Variants in RARS1 observed in about 807,000 individuals in gnomAD.
RARS1 encodes arginyl-tRNA synthetase 1.
A neutral mutation model predicts 78.7 loss-of-function variants in RARS1; 75 were observed. That is an observed-to-expected ratio of 0.95 (90% CI 0.79 to 1.15). The LOEUF is 1.15. RARS1 is among the 50% of genes most tolerant of loss of function. The probability of loss-of-function intolerance (pLI) is 0.00; values close to 1 mark genes in which losing one functional copy is unlikely to be tolerated. For synonymous variants in RARS1, 273 were observed against 268.2 expected (o/e 1.02, Z -0.18); for missense variants, 787 against 787.5 (o/e 1.00, Z 0.01).
chr5:168,496,845 TTAAGA>T (rs1395369339), intron 6 of RARS1, among the ~76,000 whole-genome samples: 2 of 152,208 alleles, frequency 1.3e-5, no homozygotes, highest in African/African-American at 4.8e-5. Context: ...CTAAATTATA[TTAAGA>T]TAATGGTTAA....
intron 9 of RARS1, among the ~76,000 whole-genome samples, chr5:168,502,369 T>C (rs1181454201): frequency 1.1e-5 from 1 of 90,488 alleles, no homozygotes. Flanking sequence ...CAAATATATA[T>C]ATATATATAT....
At chr5:168,501,773 T>C (rs182736969) in intron 8 of RARS1, among the ~76,000 whole-genome samples, 182 of 152,200 alleles carry the variant, frequency 1.2e-3, no homozygotes, top group African/African-American at 4.2e-3. Flanking sequence ...AAAATAAAAT[T>C]ATCTATAGTC....
Position 168,517,946 on chromosome 5 carries a change from A to C in RARS1, c.1757A>C (p.Gln586Pro). The C allele has an allele frequency of 7.4e-6, 12 of 1,614,066 alleles. No individual in the cohort carries two copies. The highest frequency in any genetic ancestry group is 1.0e-5 in the Non-Finnish European group (12 of 1,180,022). The change falls in exon 14 of 15, where the codon CAA becomes CCA. Residue 586 changes from glutamine (Q) to proline (P), a missense_variant. Physicochemically the swap from Gln to Pro is moderately conservative, Grantham distance 76 (BLOSUM62 -1). Transcript: ENST00000231572. ...RCILRFPEIL[Q>P]KILDDLFLHT... Reference sequence around the variant, plus strand: ...ATTTTACGGTTCCCTGAGATTCTGCAAAAGATTTTAGATGACTTATTTCTC... The same window carrying C: ...ATTTTACGGTTCCCTGAGATTCTGCCAAAGATTTTAGATGACTTATTTCTC...
Position 168,506,216 on chromosome 5 carries a change from G to A in RARS1, c.1236+17G>A, listed in dbSNP as rs140119854. The A allele has an allele frequency of 5.2e-3, 7,944 of 1,526,332 alleles. 25 individuals are homozygous for A. The highest frequency in any genetic ancestry group is 6.5e-3 in the Non-Finnish European group (7,325 of 1,124,390). The allele number at this position is 1,526,332 out of a possible 1,614,324, so 94.5% of individuals were successfully genotyped here. On this transcript the variant is annotated intron_variant, in intron 10 of 14. Coordinates refer to ENST00000231572, the MANE Select transcript of RARS1 (RefSeq NM_002887.4). The stretch of plus-strand genomic sequence containing the variant: ...AATGGACAAGTGAGTTTGTAAATTT[G>A]TATGTGTTTTACATTGACTGATTAG...
chr5:168,489,045 G>T (rs1582425548), intron 2 of RARS1, among the ~76,000 whole-genome samples: 1 of 152,030 alleles, frequency 6.6e-6, no homozygotes, highest in Admixed American at 6.5e-5. Flanking sequence ...TATTTTTTGA[G>T]ACAGGGTGTC....
intron 2 of RARS1, among the ~76,000 whole-genome samples, chr5:168,491,705 G>A (rs767303635): frequency 2.0e-5 from 3 of 152,052 alleles, no homozygotes; most frequent in African/African-American, 4.8e-5. Context: ...TAACAAGCTC[G>A]ATTTTATTAT....
chr5:168,488,177 G>A lies in RARS1; in HGVS notation c.46-425G>A, dbSNP rs567555168. On this transcript the variant is annotated intron_variant, in intron 1 of 14. Transcript: ENST00000231572. ...GAGTCTCGCTCTGTCAAGCAGACTGGAGTGCAGTGGCACGATCTCGACTCA... is the reference window on the plus strand; with the variant it reads ...GAGTCTCGCTCTGTCAAGCAGACTGAAGTGCAGTGGCACGATCTCGACTCA... 3 of 379,176 alleles carry A rather than the reference G, an allele frequency of 7.9e-6. No homozygotes were observed. In the East Asian group the frequency reaches 2.7e-4, roughly 34 times the overall value. 23.5% of individuals were successfully genotyped at this position (379,176 alleles called of 1,614,324 possible).
At chr5:168,518,109 G>T (rs1363427954) in intron 14 of RARS1, 47 bp downstream of exon 14, 1 of 1,262,422 alleles carries the variant, frequency 7.9e-7, no homozygotes, top group African/African-American at 2.4e-5. Context: ...GAGAGACACG[G>T]ATCTTGCTCT....
intron 12 of RARS1, among the ~76,000 whole-genome samples, chr5:168,512,959 A>G (rs1217224750): frequency 6.6e-6 from 1 of 152,160 alleles, no homozygotes; most frequent in Non-Finnish European, 1.5e-5. Flanking sequence ...GTGAGTGCAT[A>G]GTGACTTATT....
intron 9 of RARS1, among the ~76,000 whole-genome samples, chr5:168,505,585 T>A (rs1758425448): frequency 6.6e-6 from 1 of 151,714 alleles, no homozygotes; most frequent in African/African-American, 2.4e-5. Flanking sequence ...AACTAAAGAG[T>A]TTGGGAGGCC....
chr5:168,496,998 G>A, intron 6 of RARS1: 1 of 353,654 alleles, frequency 2.8e-6, no homozygotes, highest in Admixed American at 4.7e-5. Flanking sequence ...TGCCTGCCTT[G>A]TGCAGCCTCT....
At chr5:168,510,937 T>C (rs998455798) in intron 12 of RARS1, among the ~76,000 whole-genome samples, 7 of 152,266 alleles carry the variant, frequency 4.6e-5, no homozygotes, top group Non-Finnish European at 8.8e-5. Context: ...GTATCCGTGC[T>C]GCTTAACAGC....
At chr5:168,500,111 C>T (rs942257440) in intron 7 of RARS1, among the ~76,000 whole-genome samples, 22 of 141,664 alleles carry the variant, frequency 1.6e-4, no homozygotes, top group Non-Finnish European at 2.4e-4. Flanking sequence ...CACTTGAACC[C>T]GGGACACGGA....
chr5:168,512,114 G>A (rs909475755), intron 12 of RARS1, among the ~76,000 whole-genome samples: 2 of 151,368 alleles, frequency 1.3e-5, no homozygotes, highest in Non-Finnish European at 2.9e-5. Flanking sequence ...CCGTCCCAAA[G>A]TGCTAGGATT....
intron 9 of RARS1, among the ~76,000 whole-genome samples, chr5:168,505,231 T>C (rs1422772893): frequency 6.6e-6 from 1 of 152,022 alleles, no homozygotes; most frequent in African/African-American, 2.4e-5. Flanking sequence ...TAGGGTTATT[T>C]TGAAGGTTAA....
chr5:168,490,796 G>A (rs1004217347), intron 2 of RARS1, among the ~76,000 whole-genome samples: 3 of 151,984 alleles, frequency 2.0e-5, no homozygotes, highest in Admixed American at 2.0e-4. Context: ...GTGTGTGTAG[G>A]TACACACACA....
chr5:168,487,149 T>G (rs1341374879), intron 1 of RARS1, among the ~76,000 whole-genome samples: 2 of 152,076 alleles, frequency 1.3e-5, no homozygotes, highest in Admixed American at 6.6e-5. Context: ...GATCACGATG[T>G]CAGGAGATCG....
intron 5 of RARS1, 129 bp downstream of exon 5, chr5:168,494,779 C>T: frequency 4.3e-6 from 3 of 694,052 alleles, no homozygotes; most frequent in Non-Finnish European, 7.3e-6. Context: ...CCTAGAAGTT[C>T]AAGGCTGAGG....
intron 6 of RARS1, 58 bp from the exon 7 acceptor site, chr5:168,497,165 CTAATT>C (rs1352431484): frequency 1.6e-6 from 2 of 1,239,992 alleles, no homozygotes; most frequent in Non-Finnish European, 2.1e-6. Context: ...TATAGTTCCT[CTAATT>C]TAACTTAACC....
Sources: gnomAD v4.1 joint callset for allele counts (sites outside exome capture counted in the v4.1 genomes callset) on GRCh38, gnomAD v4.1.1 for gene constraint, MANE v1.5 for transcripts, NCBI Gene and HGNC (gene_info 2026-07-23, HGNC 2026-07-21) for gene names.